Variants in SPOP observed in about 807,000 individuals in gnomAD.
The protein encoded by SPOP is speckle type BTB/POZ protein, also known as speckle-type POZ protein.
Under a neutral mutation model 45.6 loss-of-function variants are expected in SPOP, and 11 were observed. The observed-to-expected ratio is 0.24, with a 90% CI of 0.15 to 0.40. The LOEUF (loss-of-function observed/expected upper bound fraction) is 0.40, where lower values mean the gene tolerates loss of function less well. SPOP is among the 10% of genes least tolerant of loss of function. SPOP has a pLI of 1.00. For synonymous variants in SPOP, 166 were observed against 166.3 expected, an observed-to-expected ratio of 1.00 and a Z score of 0.01; for missense variants, 152 against 465.6, an observed-to-expected ratio of 0.33 and a Z score of 6.20.
intron 8 of SPOP, 106 bp from the exon 9 acceptor site, chr17:49,602,113 A>T (rs936207354): frequency 4.6e-6 from 6 of 1,309,710 alleles, no homozygotes; most frequent in Non-Finnish European, 6.3e-6. Flanking sequence ...AGATACTTGA[A>T]TAGAACTGCA....
intron 1 of SPOP, among the ~76,000 whole-genome samples, chr17:49,641,701 T>C (rs1179412192): frequency 2.0e-5 from 3 of 152,084 alleles, no homozygotes; most frequent in African/African-American, 7.2e-5. Context: ...TCTAAAAAGT[T>C]GATACAAACA....
rs530576210 is a variant in SPOP, at chr17:49,622,818, T to C, written c.-8A>G. ...ACTTGGAACCCTTGACATCGCCAGTTTGAAGGTTAAACGAGATTTCCAAAG... is the reference window on the plus strand; with the variant it reads ...ACTTGGAACCCTTGACATCGCCAGTCTGAAGGTTAAACGAGATTTCCAAAG... On this transcript the variant is annotated 5_prime_UTR_variant, in exon 2 of 10. Coordinates refer to ENST00000504102, the MANE Select transcript of SPOP (RefSeq NM_001007228.2). 9.9e-6 allele frequency: 16 copies of C among 1,613,720 alleles called. No individual in the cohort carries two copies. Among genetic ancestry groups the C allele is most frequent in the Admixed American group, 1.7e-5 (1 of 60,000 alleles).
rs1007551186 is a variant in SPOP at position 49,626,864 on chromosome 17, T to C, written c.-66-3988A>G. Among the ~76,000 whole-genome samples the C allele has an allele frequency of 5.9e-5, 9 of 152,278 alleles. 1 individual carries two copies. Among genetic ancestry groups the C allele is most frequent in the African/African-American group, 1.9e-4 (8 of 41,548 alleles). ...AACACTATCTTACAGGAATTTCCTT[T>C]TTTTTGAGACGGAATCTTTCTCTGT... On this transcript the variant is annotated intron_variant, in intron 1 of 9. Transcript: ENST00000504102.
rs71352523 is a variant in SPOP at position 49,624,331 on chromosome 17, G to GCGCACACA, written c.-66-1456_-66-1455insTGTGTGCG. 5.7e-3 allele frequency among the ~76,000 whole-genome samples: 853 copies of GCGCACACA among 149,290 alleles called. 16 individuals carry two copies. Among genetic ancestry groups the GCGCACACA allele is most frequent in the African/African-American group, 0.02 (807 of 40,264 alleles). Reference sequence around the variant, plus strand: ...GGAACACACACACACGCGCGCGCGCGCACACACACACACACACACACACAC... The same window carrying GCGCACACA: ...GGAACACACACACACGCGCGCGCGCGCGCACACACACACACACACACACACACACACAC... On this transcript the variant is annotated intron_variant, in intron 1 of 9. Coordinates refer to ENST00000504102, the MANE Select transcript of SPOP (RefSeq NM_001007228.2).
At chr17:49,651,103 A>C (rs1007959854) in intron 1 of SPOP, among the ~76,000 whole-genome samples, 1 of 152,212 alleles carries the variant, frequency 6.6e-6, no homozygotes, top group African/African-American at 2.4e-5. Context: ...CAAGAATTTC[A>C]GTGTGGGTAA....
chr17:49,676,747 G>A (rs1406740143), intron 1 of SPOP, among the ~76,000 whole-genome samples: 6 of 152,090 alleles, frequency 3.9e-5, no homozygotes. Flanking sequence ...CTGTTTTGAT[G>A]GCAGAGGTAA....
chr17:49,670,383 AACCAGGATTTAATTTGGG>A (rs1271864179), intron 1 of SPOP, among the ~76,000 whole-genome samples: 1 of 152,234 alleles, frequency 6.6e-6, no homozygotes, highest in Admixed American at 6.5e-5. Flanking sequence ...CTGAATATAC[AACCAGGATTTAATTTGGG>A]ACCAGTATTG....
intron 1 of SPOP, among the ~76,000 whole-genome samples, chr17:49,677,564 G>T (rs1318144312): frequency 1.3e-5 from 2 of 152,172 alleles, no homozygotes; most frequent in Non-Finnish European, 2.9e-5. Context: ...ACCGCGATGC[G>T]CATGCGCCCC....
chr17:49,618,606 A>G (rs1262980992), intron 5 of SPOP: 2 of 461,554 alleles, frequency 4.3e-6, no homozygotes, highest in East Asian at 6.8e-5. Flanking sequence ...GCAAACACAC[A>G]TGGCCCTCAC....
At position 49,662,124 on chromosome 17, in the gene SPOP, C is replaced by A. The variant is rs531981973; in HGVS notation, c.-67+15809G>T. Reference sequence around the variant, plus strand: ...ATACAAAGCTAGAATGGAGAATTCTCAGTATGAACTTTCTCTTCTATGCCT... The same window carrying A: ...ATACAAAGCTAGAATGGAGAATTCTAAGTATGAACTTTCTCTTCTATGCCT... On this transcript the variant is annotated intron_variant, in intron 1 of 9. Transcript: ENST00000504102. Among the ~76,000 whole-genome samples the A allele has an allele frequency of 3.3e-5, 5 of 151,542 alleles. No individual in the cohort carries two copies. In the East Asian group the frequency reaches 7.8e-4, roughly 24 times the overall value.
intron 1 of SPOP, among the ~76,000 whole-genome samples, chr17:49,652,059 AC>A (rs2072849924): frequency 1.3e-5 from 2 of 152,096 alleles, no homozygotes; most frequent in Non-Finnish European, 2.9e-5. Context: ...CACCAATACT[AC>A]TACAGGTGGA....
At chr17:49,663,383 T>C (rs1020052535) in intron 1 of SPOP, among the ~76,000 whole-genome samples, 2 of 152,198 alleles carry the variant, frequency 1.3e-5, no homozygotes, top group Non-Finnish European at 2.9e-5. Context: ...AACCAGTCCA[T>C]GGGGCCAAAA....
intron 8 of SPOP, 135 bp from the exon 9 acceptor site, chr17:49,602,142 T>C (rs899946901): frequency 3.2e-6 from 3 of 933,180 alleles, no homozygotes; most frequent in African/African-American, 1.7e-5. Context: ...GAAAAGCTAC[T>C]ACTGCAATGA....
chr17:49,656,696 A>G lies in SPOP; in HGVS notation c.-67+21237T>C, dbSNP rs575279534. The stretch of plus-strand genomic sequence containing the variant: ...CAGTATACTCTAAATTCCTAGTGTC[A>G]CTTTCTTGGCAGTTAACAAATGTTA... On this transcript the variant is annotated intron_variant, in intron 1 of 9. Transcript: ENST00000504102. Among the ~76,000 whole-genome samples, 10 of 152,290 alleles carry G rather than the reference A, an allele frequency of 6.6e-5. No homozygotes were observed. In the South Asian group the frequency reaches 2.1e-3, roughly 32 times the overall value.
intron 1 of SPOP, among the ~76,000 whole-genome samples, chr17:49,676,663 CACA>C (rs901617596): frequency 2.0e-5 from 3 of 152,122 alleles, no homozygotes; most frequent in East Asian, 3.8e-4. Context: ...CTCCCTTCCC[CACA>C]ACAATTTAGC....
intron 1 of SPOP, among the ~76,000 whole-genome samples, chr17:49,656,824 C>G (rs1389201499): frequency 1.3e-5 from 2 of 152,008 alleles, no homozygotes; most frequent in African/African-American, 4.8e-5. Context: ...CTAGTGAGAT[C>G]TAGGAATTGG....
intron 1 of SPOP, among the ~76,000 whole-genome samples, chr17:49,658,879 C>G (rs2072950013): frequency 6.6e-6 from 1 of 152,208 alleles, no homozygotes; most frequent in African/African-American, 2.4e-5. Flanking sequence ...ATCCATGCTC[C>G]CACACCTTAG....
chr17:49,606,295 G>T (rs975223614), intron 8 of SPOP, among the ~76,000 whole-genome samples: 5 of 151,548 alleles, frequency 3.3e-5, no homozygotes, highest in Non-Finnish European at 5.9e-5. Flanking sequence ...CTGGGACTAT[G>T]GGCGTGCACC....
intron 1 of SPOP, among the ~76,000 whole-genome samples, chr17:49,665,432 G>A (rs1433879524): frequency 1.3e-5 from 2 of 151,642 alleles, no homozygotes; most frequent in Non-Finnish European, 2.9e-5. Context: ...GGCTAACATA[G>A]TGAAACCCCG....
Sources: allele counts gnomAD v4.1 joint callset (sites outside exome capture counted in the v4.1 genomes callset), GRCh38; gene constraint gnomAD v4.1.1; transcripts MANE v1.5; gene names NCBI Gene and HGNC (gene_info 2026-07-23, HGNC 2026-07-21).